Variants in HS6ST2 observed in about 807,000 individuals in gnomAD.
The protein encoded by HS6ST2 is heparan-sulfate 6-O-sulfotransferase 2.
Under a neutral mutation model 33.0 loss-of-function variants are expected in HS6ST2, and 17 were observed. The ratio of observed to expected loss-of-function variants is 0.52; its 90% CI spans 0.35 to 0.77. HS6ST2 has a LOEUF of 0.77. Ranked by LOEUF, HS6ST2 falls within the 30% of genes least tolerant of loss-of-function variation. HS6ST2 has a pLI of 0.01. For synonymous variants in HS6ST2, 248 were observed against 237.1 expected (o/e 1.05, Z -0.42); for missense variants, 519 against 551.7 (o/e 0.94, Z 0.59).
intron 2 of HS6ST2, among the ~76,000 whole-genome samples, chrX:132,818,117 T>C (rs2065413047): frequency 9.0e-6 from 1 of 111,404 alleles, no homozygotes; most frequent in Non-Finnish European, 1.9e-5. Context: ...CCCAATTTTG[T>C]GGGAGAGACT....
intron 2 of HS6ST2, among the ~76,000 whole-genome samples, chrX:132,940,481 G>C (rs1030948596): frequency 5.4e-5 from 6 of 111,891 alleles, no homozygotes; most frequent in Admixed American, 1.9e-4. Context: ...CTTCAAGAAA[G>C]TGAAGCAACA....
At chrX:132,673,643 C>T (rs1569479740) in intron 3 of HS6ST2, among the ~76,000 whole-genome samples, 2 of 111,549 alleles carry the variant, frequency 1.8e-5, no homozygotes, top group Non-Finnish European at 3.8e-5. Flanking sequence ...GAAATACTGG[C>T]TATTCTTTAC....
chrX:132,747,225 G>A (rs1201835407), intron 2 of HS6ST2, among the ~76,000 whole-genome samples: 2 of 112,005 alleles, frequency 1.8e-5, no homozygotes, highest in Admixed American at 1.9e-4. Flanking sequence ...CTGTGCCTCA[G>A]TATGATGGTT....
At chrX:132,669,226 A>G in intron 3 of HS6ST2, 27 bp from the exon 4 acceptor site, 4 of 1,170,545 alleles carry the variant, frequency 3.4e-6, no homozygotes, top group Non-Finnish European at 4.6e-6. Flanking sequence ...AATAGAAAAC[A>G]TATACACAAC....
rs770508804 is a variant in HS6ST2 at position 132,757,809 on chromosome X, A to G, written c.948-49315T>C. Among the ~76,000 whole-genome samples, 5 of 112,243 alleles carry G rather than the reference A, an allele frequency of 4.5e-5. No individual in the cohort carries two copies. The Admixed American group carries it at 4.7e-4, about 11-fold the overall frequency. The stretch of plus-strand genomic sequence containing the variant: ...TTGTGATATTTGCCTTTTATGAGAG[A>G]TTTAGCCAGCATGTTTTGGGCTCAT... On this transcript the variant is annotated intron_variant, in intron 2 of 4. Transcript: ENST00000370833.
At chrX:132,751,681 C>T (rs2064708755) in intron 2 of HS6ST2, among the ~76,000 whole-genome samples, 1 of 112,987 alleles carries the variant, frequency 8.9e-6, no homozygotes, top group Non-Finnish European at 1.9e-5. Flanking sequence ...GGAAAACCAT[C>T]ATTTTTCACA....
chrX:132,709,980 A>C lies in HS6ST2; in HGVS notation c.948-1486T>G, dbSNP rs762806344. 1.2e-4 allele frequency among the ~76,000 whole-genome samples: 13 copies of C among 112,393 alleles called. No individual in the cohort carries two copies. The East Asian group carries it at 3.3e-3, about 29-fold the overall frequency. On this transcript the variant is annotated intron_variant, in intron 2 of 4. Transcript: ENST00000370833. ...TAACAGAAATTCTCAAATGATGTTA[A>C]GTGTATAAATAATTGATTTATATGG... is the stretch of plus-strand genomic sequence containing the variant.
At position 132,751,261 on chromosome X, in the gene HS6ST2, G is replaced by A. The variant is rs1044949495; in HGVS notation, c.948-42767C>T. On this transcript the variant is annotated intron_variant, in intron 2 of 4. Transcript: ENST00000370833. ...TGTGTCTCCTGAGGTGGGGCGGGGC[G>A]GGGGGGCTTATTTCCTGTGGCAACA... 3.7e-5 allele frequency among the ~76,000 whole-genome samples: 4 copies of A among 108,953 alleles called. No homozygotes were observed. The East Asian group carries it at 1.1e-3, about 31-fold the overall frequency. 94.6% of individuals were successfully genotyped at this position (108,953 alleles called of 115,157 possible).
intron 3 of HS6ST2, among the ~76,000 whole-genome samples, chrX:132,684,307 GTA>G (rs1246438899): frequency 4.0e-5 from 4 of 100,936 alleles, no homozygotes; most frequent in African/African-American, 1.1e-4. Context: ...ACACATATAT[GTA>G]TATATATGTA....
chrX:132,650,103 C>T (rs1197062669), intron 4 of HS6ST2, among the ~76,000 whole-genome samples: 1 of 111,649 alleles, frequency 9.0e-6, no homozygotes, highest in African/African-American at 3.3e-5. Context: ...AAGATGTCTG[C>T]AGCCTTGAAG....
At position 132,848,258 on chromosome X, in the gene HS6ST2, T is replaced by A. The variant is rs1427778653; in HGVS notation, c.947+108550A>T. ...TGAAAAAATATGGCTTGTCTGATAA[T>A]CAGATAAGGAAGCACCATCCAACCT... On this transcript the variant is annotated intron_variant, in intron 2 of 4. Transcript: ENST00000370833. 2.7e-5 allele frequency among the ~76,000 whole-genome samples: 3 copies of A among 111,752 alleles called. No homozygotes were observed. The East Asian group carries it at 8.5e-4, about 32-fold the overall frequency.
In HS6ST2 at chrX:132,870,947, C is replaced by CA. The variant is rs1296910808; in HGVS notation, c.947+85860dup. Among the ~76,000 whole-genome samples, 660 of 104,178 alleles carry CA rather than the reference C, an allele frequency of 6.3e-3. 2 individuals are homozygous for CA. The highest frequency in any genetic ancestry group is 0.018 in the African/African-American group (517 of 28,810). 90.5% of individuals were successfully genotyped at this position (104,178 alleles called of 115,157 possible). A position where few individuals can be genotyped will look rare whatever the true frequency, so the allele number is the denominator to read the frequency against. On this transcript the variant is annotated intron_variant, in intron 2 of 4. Coordinates refer to ENST00000370833, the MANE Select transcript of HS6ST2 (RefSeq NM_001394073.1). ...AATTAAACTAAACAGCTGTGCACAGCAAAAAAAAAACTATCATCAGAGTGA... is the reference window on the plus strand; with the variant it reads ...AATTAAACTAAACAGCTGTGCACAGCAAAAAAAAAAACTATCATCAGAGTGA...
intron 2 of HS6ST2, among the ~76,000 whole-genome samples, chrX:132,857,441 G>A (rs2065862964): frequency 9.5e-6 from 1 of 105,807 alleles, no homozygotes; most frequent in Non-Finnish European, 1.9e-5. Flanking sequence ...CCGTTATCAC[G>A]CCACTGCACT....
At chrX:132,753,163 G>C (rs1218882389) in intron 2 of HS6ST2, among the ~76,000 whole-genome samples, 3 of 111,870 alleles carry the variant, frequency 2.7e-5, no homozygotes, top group African/African-American at 9.7e-5. Context: ...TCCAACCACT[G>C]CCTCTTCTCT....
chrX:132,685,611 A>C (rs1353399492), intron 3 of HS6ST2, among the ~76,000 whole-genome samples: 1 of 111,650 alleles, frequency 9.0e-6, no homozygotes, highest in Non-Finnish European at 1.9e-5. Flanking sequence ...TTCCCTGGGA[A>C]CTATCTTCAT....
intron 2 of HS6ST2, among the ~76,000 whole-genome samples, chrX:132,731,893 C>T (rs1281661521): frequency 1.8e-5 from 2 of 110,367 alleles, no homozygotes; most frequent in Non-Finnish European, 3.8e-5. Context: ...CAGCACACTC[C>T]GTGGTTCTAT....
At chrX:132,928,218 T>G (rs1296423291) in intron 2 of HS6ST2, among the ~76,000 whole-genome samples, 2 of 108,777 alleles carry the variant, frequency 1.8e-5, no homozygotes, top group African/African-American at 3.4e-5. Context: ...TTCAAGCGAT[T>G]CTCCTGCCTC....
chrX:132,818,302 G>GTT (rs1393174997), intron 2 of HS6ST2, among the ~76,000 whole-genome samples: 1 of 111,032 alleles, frequency 9.0e-6, no homozygotes, highest in African/African-American at 3.3e-5. Flanking sequence ...TTACTGTTTG[G>GTT]TTGAGTGACT....
intron 2 of HS6ST2, among the ~76,000 whole-genome samples, chrX:132,922,506 A>C (rs1278279581): frequency 4.5e-5 from 5 of 111,933 alleles, no homozygotes; most frequent in Non-Finnish European, 9.4e-5. Flanking sequence ...CCAACATTTC[A>C]GGGCTCCTTT....
Sources: gnomAD v4.1 joint callset for allele counts (sites outside exome capture counted in the v4.1 genomes callset) on GRCh38, gnomAD v4.1.1 for gene constraint, MANE v1.5 for transcripts, NCBI Gene and HGNC (gene_info 2026-07-23, HGNC 2026-07-21) for gene names.